The following NBEA variants were observed in gnomAD, a reference collection of about 807,000 sequenced individuals.
NBEA encodes lysosomal-trafficking regulator 2.
In NBEA, 44 loss-of-function variants were observed where a neutral mutation model predicts 343.4. The ratio of observed to expected loss-of-function variants is 0.13; its 90% confidence interval spans 0.10 to 0.16. The LOEUF is 0.16. NBEA is among the 10% of genes least tolerant of loss of function. The pLI is 1.00. For missense variants in NBEA, 2,555 were observed against 3,631.3 expected, an observed-to-expected ratio of 0.70 and a Z score of 7.62; for synonymous variants, 1,175 against 1,238.7, an observed-to-expected ratio of 0.95 and a Z score of 1.08.
At chr13:35,121,755 C>A (rs1030843001) in intron 16 of NBEA, among the ~76,000 whole-genome samples, 69 of 152,084 alleles carry the variant, frequency 4.5e-4, no homozygotes, top group African/African-American at 1.5e-3. Context: ...AAGCTCTTGG[C>A]AAAACTAAAA....
chr13:34,994,313 T>A (rs959929544), intron 1 of NBEA, among the ~76,000 whole-genome samples: 16 of 151,890 alleles, frequency 1.1e-4, no homozygotes, highest in African/African-American at 3.9e-4. Flanking sequence ...TTAATTTTAA[T>A]TATGTGGAAC....
intron 38 of NBEA, among the ~76,000 whole-genome samples, chr13:35,420,953 T>G (rs983091929): frequency 2.0e-5 from 3 of 152,014 alleles, no homozygotes; most frequent in Non-Finnish European, 4.4e-5. Context: ...AGCTCTTTGT[T>G]TTTGTTAATT....
chr13:35,516,826 T>C (rs1478331515), intron 41 of NBEA, among the ~76,000 whole-genome samples: 1 of 152,196 alleles, frequency 6.6e-6, no homozygotes, highest in Non-Finnish European at 1.5e-5. Flanking sequence ...TTATCTAACT[T>C]AACATAGTTA....
chr13:35,291,987 TTTAA>T (rs1258835536), intron 35 of NBEA, among the ~76,000 whole-genome samples: 8 of 152,034 alleles, frequency 5.3e-5, no homozygotes, highest in Admixed American at 3.9e-4. Flanking sequence ...ATTTTAAGTG[TTTAA>T]TTGATTAAAT....
chr13:35,463,282 A>G (rs926339594), intron 40 of NBEA, among the ~76,000 whole-genome samples: 8 of 152,216 alleles, frequency 5.3e-5, no homozygotes, highest in Non-Finnish European at 1.2e-4. Flanking sequence ...GCTAATGAGA[A>G]AAAAGAAACT....
chr13:35,482,718 T>A (rs1016796907), intron 41 of NBEA, among the ~76,000 whole-genome samples: 5 of 151,782 alleles, frequency 3.3e-5, no homozygotes, highest in African/African-American at 1.2e-4. Flanking sequence ...TCTGTGAAAT[T>A]TATTTTTTTA....
At chr13:35,008,453 T>C (rs936847454) in intron 1 of NBEA, among the ~76,000 whole-genome samples, 3 of 152,230 alleles carry the variant, frequency 2.0e-5, no homozygotes, top group Admixed American at 6.5e-5. Flanking sequence ...ATAGTTGTTA[T>C]ACTGTGTTGT....
At chr13:35,462,906 G>A (rs2152953249) in intron 40 of NBEA, among the ~76,000 whole-genome samples, 1 of 152,294 alleles carries the variant, frequency 6.6e-6, no homozygotes, top group Non-Finnish European at 1.5e-5. Context: ...ACTGTGTGTG[G>A]GAATGTGCAG....
At chr13:35,655,905 A>G in intron 55 of NBEA, 156 bp downstream of exon 55, 2 of 645,966 alleles carry the variant, frequency 3.1e-6, no homozygotes, top group Non-Finnish European at 5.3e-6. Flanking sequence ...AGCTATGTTC[A>G]AAGTGTTAAA....
chr13:35,077,058 T>C (rs965778000), intron 10 of NBEA, among the ~76,000 whole-genome samples: 2 of 152,042 alleles, frequency 1.3e-5, no homozygotes, highest in Admixed American at 1.3e-4. Context: ...AACCCTCTTC[T>C]TTTTCCATCC....
chr13:34,969,771 G>A lies in NBEA; in HGVS notation c.294+26657G>A, dbSNP rs1471780466. Among the ~76,000 whole-genome samples the A allele has an allele frequency of 4.8e-5, 7 of 145,998 alleles. 1 individual carries two copies. The highest frequency in any genetic ancestry group is 4.4e-4 in the South Asian group (2 of 4,590). ...GTATTCCATGCTGTATATATACCAC[G>A]TTTTTTTTTTTATCCAGTCTATCAT... On this transcript the variant is annotated intron_variant, in intron 1 of 58. Transcript: ENST00000379939.
intron 10 of NBEA, among the ~76,000 whole-genome samples, chr13:35,096,855 A>AT (rs1421877546): frequency 6.6e-6 from 1 of 151,862 alleles, no homozygotes; most frequent in East Asian, 1.9e-4. Flanking sequence ...TTACAGAAAC[A>AT]TTTTTTTAAA....
intron 38 of NBEA, among the ~76,000 whole-genome samples, chr13:35,389,069 G>A (rs2042381036): frequency 6.7e-6 from 1 of 150,306 alleles, no homozygotes; most frequent in Non-Finnish European, 1.5e-5. Flanking sequence ...TGTAACCCTG[G>A]TTCACAGTTT....
At chr13:35,085,614 A>G (rs1593293854) in intron 10 of NBEA, among the ~76,000 whole-genome samples, 1 of 152,170 alleles carries the variant, frequency 6.6e-6, no homozygotes, top group Non-Finnish European at 1.5e-5. Context: ...TGACAAACCC[A>G]CAGCCAATAT....
At chr13:35,669,560 G>A (rs747127489) in intron 58 of NBEA, among the ~76,000 whole-genome samples, 10 of 152,154 alleles carry the variant, frequency 6.6e-5, no homozygotes, top group Non-Finnish European at 1.3e-4. Context: ...GGTTATTATT[G>A]GAGTATCCCA....
At chr13:35,500,459 CATTTCCAGTTGTCTTTTGGGGT>C (rs2076841292) in intron 41 of NBEA, among the ~76,000 whole-genome samples, 2 of 152,088 alleles carry the variant, frequency 1.3e-5, no homozygotes, top group Admixed American at 6.6e-5. Context: ...CTAGCAACAA[CATTTCCAGTTGTCTTTTGGGGT>C]TGCTGCCTTG....
intron 1 of NBEA, among the ~76,000 whole-genome samples, chr13:34,969,167 C>T (rs1650829295): frequency 6.6e-6 from 1 of 151,860 alleles, no homozygotes; most frequent in South Asian, 2.1e-4. Context: ...GGAATTAGAG[C>T]CTTGGGTTGG....
At chr13:35,066,652 C>A (rs932628300) in intron 8 of NBEA, among the ~76,000 whole-genome samples, 10 of 151,848 alleles carry the variant, frequency 6.6e-5, no homozygotes, top group African/African-American at 2.4e-4. Context: ...ATTTTATTTA[C>A]TTTAAATATG....
At chr13:35,466,407 T>G (rs1371489001) in intron 40 of NBEA, among the ~76,000 whole-genome samples, 24 of 152,244 alleles carry the variant, frequency 1.6e-4, no homozygotes, top group Non-Finnish European at 2.9e-5. Flanking sequence ...TACTGAAGTT[T>G]AACTTCATAA....
Sources: allele counts gnomAD v4.1 joint callset (sites outside exome capture counted in the v4.1 genomes callset), GRCh38; gene constraint gnomAD v4.1.1; transcripts MANE v1.5; gene names NCBI Gene and HGNC (gene_info 2026-07-23, HGNC 2026-07-21).